The following TTC6 variants were observed in gnomAD, a reference collection of about 807,000 sequenced individuals.
TTC6 encodes the protein tetratricopeptide repeat protein 6.
TTC6 carries 172 observed loss-of-function variants against 210.4 expected under a neutral mutation model. The ratio of observed to expected loss-of-function variants is 0.82; its 90% CI spans 0.72 to 0.93. The LOEUF is 0.93. TTC6 is among the 40% of genes least tolerant of loss of function. The pLI is 0.00. For synonymous variants in TTC6, 804 were observed against 819.6 expected (o/e 0.98, Z 0.32); for missense variants, 2,414 against 2,318.1 (o/e 1.04, Z -0.85).
intron 1 of TTC6, among the ~76,000 whole-genome samples, chr14:37,672,820 C>CCTTTTTTTTTTTTTTTTTTTTTT (rs2095760882): frequency 8.4e-6 from 1 of 118,912 alleles, no homozygotes; most frequent in African/African-American, 3.5e-5. Flanking sequence ...ATGAATTCCT[C>CCTTTTTTTTTTTTTTTTTTTTTT]ATTTTTTTTT....
chr14:37,790,530 T>C (rs991579506), intron 15 of TTC6, among the ~76,000 whole-genome samples, 187 bp from the exon 18 acceptor site: 1 of 152,192 alleles, frequency 6.6e-6, no homozygotes, highest in Non-Finnish European at 1.5e-5. Flanking sequence ...TTGTTACTAA[T>C]AAATACATTT....
At chr14:37,730,375 G>C (rs2095882797) in intron 7 of TTC6, among the ~76,000 whole-genome samples, 1 of 151,960 alleles carries the variant, frequency 6.6e-6, no homozygotes, top group Non-Finnish European at 1.5e-5. Context: ...ATGTATTTAA[G>C]CACATCAAGA....
chr14:37,673,324 G>A (rs1278273176), intron 1 of TTC6, among the ~76,000 whole-genome samples: 1 of 152,146 alleles, frequency 6.6e-6, no homozygotes, highest in Non-Finnish European at 1.5e-5. Flanking sequence ...TCTCAAGAAA[G>A]TTACCTGTGT....
chr14:37,723,444 T>C, intron 6 of TTC6, among the ~76,000 whole-genome samples: 1 of 152,314 alleles, frequency 6.6e-6, no homozygotes, highest in Middle Eastern at 3.4e-3. Flanking sequence ...CATCTGTATC[T>C]ATAGTAAGCT....
chr14:37,833,267 A>G (rs970897077), intron 29 of TTC6, among the ~76,000 whole-genome samples: 1 of 152,154 alleles, frequency 6.6e-6, no homozygotes, highest in Non-Finnish European at 1.5e-5. Flanking sequence ...TTTACCTATA[A>G]TAATTGCTTT....
At chr14:37,692,896 TAAA>T (rs2095806590) in intron 3 of TTC6, among the ~76,000 whole-genome samples, 2 of 149,780 alleles carry the variant, frequency 1.3e-5, no homozygotes, top group African/African-American at 2.4e-5. Flanking sequence ...AATAAATAAA[TAAA>T]TAAATCCCAA....
chr14:37,816,750 G>A (rs571918239), intron 25 of TTC6, among the ~76,000 whole-genome samples: 12 of 152,054 alleles, frequency 7.9e-5, no homozygotes, highest in South Asian at 2.1e-4. Flanking sequence ...TTGTTTTGCC[G>A]TTATATATTT....
At chr14:37,730,386 G>A (rs970744306) in intron 7 of TTC6, among the ~76,000 whole-genome samples, 1 of 152,092 alleles carries the variant, frequency 6.6e-6, no homozygotes, top group Non-Finnish European at 1.5e-5. Context: ...CACATCAAGA[G>A]TCAATCAGAA....
chr14:37,792,798 G>T (rs1047550166), intron 17 of TTC6, among the ~76,000 whole-genome samples: 2 of 151,456 alleles, frequency 1.3e-5, no homozygotes, highest in African/African-American at 2.4e-5. Flanking sequence ...GTGTGTGTGT[G>T]TGTGTGTGTG....
chr14:37,603,163 A>G (rs1488690855), intron 1 of TTC6, among the ~76,000 whole-genome samples: 2 of 152,080 alleles, frequency 1.3e-5, no homozygotes, highest in African/African-American at 4.8e-5. Context: ...TGGCGTTAGG[A>G]TTGGGGTGGG....
At chr14:37,617,205 GC>G (rs2095644225), upstream of TTC6, among the ~76,000 whole-genome samples, 2 of 152,120 alleles carry the variant, frequency 1.3e-5, no homozygotes, top group Admixed American at 6.5e-5. Flanking sequence ...GGCTTTTTAA[GC>G]AATTAAAGGG....
At chr14:37,723,782 A>G (rs79116094) in intron 6 of TTC6, among the ~76,000 whole-genome samples, 8,661 of 152,254 alleles carry the variant, frequency 0.057, 381 homozygotes, top group Non-Finnish European at 0.089. Flanking sequence ...TTTGTAATAC[A>G]GTTAGATTGT....
intron 10 of TTC6, 76 bp downstream of exon 12, chr14:37,739,231 T>G (rs1485347417): frequency 7.5e-7 from 1 of 1,327,792 alleles, no homozygotes; most frequent in African/African-American, 1.5e-5. Context: ...TCTCACCCCA[T>G]GAAGTTATTA....
At chr14:37,629,155 A>G (rs894783620) in intron 1 of TTC6, among the ~76,000 whole-genome samples, 2 of 152,202 alleles carry the variant, frequency 1.3e-5, no homozygotes. Flanking sequence ...AGTCAGTGGT[A>G]GCTTGATGGG....
chr14:37,735,762 T>C (rs373176810), intron 7 of TTC6, among the ~76,000 whole-genome samples, 159 bp from the exon 10 acceptor site: 1 of 152,204 alleles, frequency 6.6e-6, no homozygotes, highest in Non-Finnish European at 1.5e-5. Flanking sequence ...AGCTGGACTT[T>C]GATGCATCTC....
chr14:37,762,171 G>C (rs181653359), intron 14 of TTC6, among the ~76,000 whole-genome samples: 40 of 151,914 alleles, frequency 2.6e-4, no homozygotes, highest in Non-Finnish European at 5.0e-4. Flanking sequence ...TTTAAGAAAA[G>C]GCTGAATAGT....
intron 25 of TTC6, among the ~76,000 whole-genome samples, chr14:37,813,668 A>G (rs2096134919): frequency 1.3e-5 from 2 of 152,192 alleles, no homozygotes; most frequent in Admixed American, 6.5e-5. Context: ...ATCTGAACTC[A>G]GAACTCACTC....
chr14:37,621,591 A>C (rs965494334), upstream of TTC6, among the ~76,000 whole-genome samples: 2 of 152,208 alleles, frequency 1.3e-5, no homozygotes, highest in African/African-American at 4.8e-5. Context: ...TCACATGGGC[A>C]ACAGAGCGAG....
intron 10 of TTC6, among the ~76,000 whole-genome samples, chr14:37,740,112 C>G (rs1024271515): frequency 3.1e-4 from 45 of 145,634 alleles, no homozygotes; most frequent in African/African-American, 1.1e-3. Flanking sequence ...TGCAGTGAGC[C>G]GAGATGTGCC....
Sources: allele counts gnomAD v4.1 joint callset (sites outside exome capture counted in the v4.1 genomes callset), GRCh38; gene constraint gnomAD v4.1.1; transcripts MANE v1.5; gene names NCBI Gene and HGNC (gene_info 2026-07-23, HGNC 2026-07-21).